USP45: variants seen among roughly 807,000 people sequenced by gnomAD.
USP45 encodes ubiquitin specific peptidase 45.
A neutral mutation model predicts 95.8 loss-of-function variants in USP45; 89 were observed. The observed-to-expected ratio is 0.93, with a 90% CI of 0.78 to 1.11. The LOEUF (loss-of-function observed/expected upper bound fraction) is 1.11, where lower values mean the gene tolerates loss of function less well. Ranked by LOEUF, USP45 falls within the 50% of genes least tolerant of loss-of-function variation. The probability of loss-of-function intolerance (pLI) is 0.00; values close to 1 mark genes in which losing one functional copy is unlikely to be tolerated. For missense variants in USP45, 898 were observed against 942.5 expected, an observed-to-expected ratio of 0.95 and a Z score of 0.62; for synonymous variants, 281 against 316.2, an observed-to-expected ratio of 0.89 and a Z score of 1.18.
intron 8 of USP45, among the ~76,000 whole-genome samples, chr6:99,480,493 T>C (rs564032176): frequency 3.5e-4 from 54 of 152,176 alleles, no homozygotes; most frequent in African/African-American, 1.3e-3. Context: ...CTGACCAACA[T>C]GGAGAAACCC....
chr6:99,459,964 C>CT (rs982084046), intron 13 of USP45, among the ~76,000 whole-genome samples: 4 of 152,054 alleles, frequency 2.6e-5, no homozygotes, highest in Admixed American at 2.6e-4. Flanking sequence ...TTGGGTAGTG[C>CT]TTTTTTTGCC....
chr6:99,506,558 C>T, intron 4 of USP45, among the ~76,000 whole-genome samples: 1 of 152,202 alleles, frequency 6.6e-6, no homozygotes. Context: ...ATCCGCCCAC[C>T]TCAGCCTCCC....
At chr6:99,461,238 C>T (rs1397705176) in intron 13 of USP45, 1 of 985,246 alleles carries the variant, frequency 1.0e-6, no homozygotes, top group Non-Finnish European at 1.2e-6. Flanking sequence ...TGAGATTTTC[C>T]AGTCTCTACA....
intron 16 of USP45, among the ~76,000 whole-genome samples, chr6:99,438,978 C>T (rs1781025178): frequency 1.3e-5 from 2 of 152,142 alleles, no homozygotes; most frequent in South Asian, 4.1e-4. Context: ...TTATTTACCA[C>T]ATTATTAAAT....
Position 99,507,456 on chromosome 6 carries a change from T to C in USP45, c.349A>G (p.Ile117Val). 2.5e-6 allele frequency: 4 copies of C among 1,611,806 alleles called. No homozygotes were observed. Among genetic ancestry groups the C allele is most frequent in the Non-Finnish European group, 3.4e-6 (4 of 1,178,842 alleles). Reference protein sequence around the residue: ...KSSRTEPHCIIINLSTWIIWC... With the variant: ...KSSRTEPHCIVINLSTWIIWC... ...ATAATCCATGTGCTCAGATTAATTA[T>C]AATACAATGGGGCTCTGTTCTGGAA... The change falls in exon 4 of 18, where the codon ATA (isoleucine) becomes GTA (valine). Residue 117 changes from isoleucine (I) to valine (V), a missense_variant. By Grantham distance (29) the Ile-to-Val change is conservative. Transcript: ENST00000500704.
At chr6:99,468,459 T>A in intron 10 of USP45, 78 bp downstream of exon 10, 1 of 967,038 alleles carries the variant, frequency 1.0e-6, no homozygotes, top group Non-Finnish European at 1.6e-6. Flanking sequence ...GTTCACATAA[T>A]GTTCAGTTCT....
intron 9 of USP45, among the ~76,000 whole-genome samples, chr6:99,471,959 A>G (rs1562366060): frequency 6.6e-6 from 1 of 152,212 alleles, no homozygotes; most frequent in Admixed American, 6.5e-5. Flanking sequence ...TTACTGCACC[A>G]TTTAAAGCCT....
At chr6:99,489,417 C>T (rs1233096813) in intron 5 of USP45, among the ~76,000 whole-genome samples, 1 of 152,080 alleles carries the variant, frequency 6.6e-6, no homozygotes, top group Non-Finnish European at 1.5e-5. Context: ...GAAGAGACTT[C>T]CTTATAAGAG....
In USP45 at chr6:99,484,175, C is replaced by CT. The variant is rs113730302; in HGVS notation, c.715-1293dup. 9.3e-3 allele frequency among the ~76,000 whole-genome samples: 1,298 copies of CT among 139,446 alleles called. 16 individuals carry two copies. Among genetic ancestry groups the CT allele is most frequent in the African/African-American group, 0.031 (1,195 of 38,380 alleles). 91.5% of individuals were successfully genotyped at this position (139,446 alleles called of 152,430 possible). On this transcript the variant is annotated intron_variant, in intron 7 of 17. Transcript: ENST00000500704. Reference sequence around the variant, plus strand: ...CTCAAGACAGACTTTTGTGTTTTTTCTTTTTTTTTTTTTAGACGAAGTCTC... The same window carrying CT: ...CTCAAGACAGACTTTTGTGTTTTTTCTTTTTTTTTTTTTTAGACGAAGTCTC...
intron 5 of USP45, among the ~76,000 whole-genome samples, chr6:99,490,333 T>C (rs1794893600): frequency 2.0e-5 from 3 of 151,760 alleles, no homozygotes; most frequent in Admixed American, 2.0e-4. Flanking sequence ...CCAGCTAATT[T>C]TTGTATTTTT....
chr6:99,465,527 T>C (rs1787714413), intron 11 of USP45, among the ~76,000 whole-genome samples: 1 of 152,190 alleles, frequency 6.6e-6, no homozygotes, highest in East Asian at 1.9e-4. Context: ...TGGCTGTGTT[T>C]TATAGATTCT....
Position 99,433,699 on chromosome 6 carries a change from A to C in USP45, c.*2017T>G, listed in dbSNP as rs111958251. ...TTACTTGCATGTTACTTCTGGAATA[A>C]TGTCAAAAATCTATGTAGATCTTTC... is the stretch of plus-strand genomic sequence containing the variant. On this transcript the variant is annotated 3_prime_UTR_variant, in exon 18 of 18. Coordinates refer to ENST00000500704, the MANE Select transcript of USP45 (RefSeq NM_001346022.3). 1 of 152,366 alleles carries C rather than the reference A, an allele frequency of 6.6e-6. No homozygotes were observed. Among genetic ancestry groups the C allele is most frequent in the African/African-American group, 2.4e-5 (1 of 41,586 alleles). The allele number at this position is 152,366 out of a possible 1,614,324, so 9.4% of individuals were successfully genotyped here. A position where few individuals can be genotyped will look rare whatever the true frequency, so the allele number is the denominator to read the frequency against.
rs1433719874 is a variant in USP45, at chr6:99,434,398, A to G, written c.*1318T>C. ...CATTTACCTGGCACTTGCCTGCACT[A>G]TCATTCATTGGCACTAATGATTAGG... On this transcript the variant is annotated 3_prime_UTR_variant, in exon 18 of 18. Coordinates refer to ENST00000500704, the MANE Select transcript of USP45 (RefSeq NM_001346022.3). 6.6e-6 allele frequency: 1 copy of G among 152,170 alleles called. No homozygotes were observed. The highest frequency in any genetic ancestry group is 1.5e-5 in the Non-Finnish European group (1 of 68,028). The allele number at this position is 152,170 out of a possible 1,614,324, so 9.4% of individuals were successfully genotyped here.
At position 99,434,048 on chromosome 6, in the gene USP45, A is replaced by T. The variant is rs1340044111; in HGVS notation, c.*1668T>A. ...GAAAATGCTGTGAAATACCTTTTACAGAACACAGCCTGACTTTGCAGATTA... is the reference window on the plus strand; with the variant it reads ...GAAAATGCTGTGAAATACCTTTTACTGAACACAGCCTGACTTTGCAGATTA... On this transcript the variant is annotated 3_prime_UTR_variant, in exon 18 of 18. Transcript: ENST00000500704. 1 of 152,238 alleles carries T rather than the reference A, an allele frequency of 6.6e-6. No individual in the cohort carries two copies. The highest frequency in any genetic ancestry group is 6.5e-5 in the Admixed American group (1 of 15,286). 9.4% of individuals were successfully genotyped at this position (152,238 alleles called of 1,614,324 possible).
Position 99,435,652 on chromosome 6 carries a change from T to C in USP45, c.*64A>G. 2 of 1,414,672 alleles carry C rather than the reference T, an allele frequency of 1.4e-6. No homozygotes were observed. Among genetic ancestry groups the C allele is most frequent in the South Asian group, 1.3e-5 (1 of 75,496 alleles). The allele number at this position is 1,414,672 out of a possible 1,614,324, so 87.6% of individuals were successfully genotyped here. A position where few individuals can be genotyped will look rare whatever the true frequency, so the allele number is the denominator to read the frequency against. ...GAGGGAAGACTAGAAAGGCACATTA[T>C]ATATTATAGTTATCACTGTGGCATT... is the stretch of plus-strand genomic sequence containing the variant. On this transcript the variant is annotated 3_prime_UTR_variant, in exon 18 of 18. Transcript: ENST00000500704.
At chr6:99,482,668 G>A in intron 8 of USP45, 85 bp downstream of exon 8, 1 of 1,339,714 alleles carries the variant, frequency 7.5e-7, no homozygotes, top group Non-Finnish European at 9.9e-7. Context: ...CAAAGTTACA[G>A]TAAAAACGAC....
At chr6:99,501,735 CA>C (rs1245350769) in intron 5 of USP45, 1 of 281,730 alleles carries the variant, frequency 3.5e-6, no homozygotes. Flanking sequence ...ACACTCTTAA[CA>C]TACGTTATGT....
chr6:99,447,753 T>A (rs1448144046), intron 13 of USP45, among the ~76,000 whole-genome samples: 1 of 152,182 alleles, frequency 6.6e-6, no homozygotes, highest in Non-Finnish European at 1.5e-5. Flanking sequence ...CCTCCTCAAG[T>A]GGGTCCCTGA....
chr6:99,458,934 C>G (rs1785691478), intron 13 of USP45, among the ~76,000 whole-genome samples: 1 of 152,150 alleles, frequency 6.6e-6, no homozygotes, highest in South Asian at 2.1e-4. Flanking sequence ...AAAAATTAAC[C>G]AGATGCATAT....
Sources: gnomAD v4.1 joint callset for allele counts (sites outside exome capture counted in the v4.1 genomes callset) on GRCh38, gnomAD v4.1.1 for gene constraint, MANE v1.5 for transcripts, NCBI Gene and HGNC (gene_info 2026-07-23, HGNC 2026-07-21) for gene names.